NDST3: variants seen among roughly 807,000 people sequenced by gnomAD.
NDST3 encodes the protein N-deacetylase and N-sulfotransferase 3, also known as bifunctional heparan sulfate N-deacetylase/N-sulfotransferase 3.
A neutral mutation model predicts 96.1 loss-of-function variants in NDST3; 58 were observed. The ratio of observed to expected loss-of-function variants is 0.60; its 90% confidence interval spans 0.49 to 0.75. The LOEUF is 0.75. NDST3 is among the 30% of genes least tolerant of loss of function. The pLI, the probability that NDST3 is intolerant of heterozygous loss-of-function variation, is 0.00. For synonymous variants in NDST3, 333 were observed against 359.7 expected (o/e 0.93, Z 0.84); for missense variants, 788 against 1,034.2 (o/e 0.76, Z 3.27).
intron 4 of NDST3, among the ~76,000 whole-genome samples, chr4:118,126,514 G>GTGTATATA (rs1553933921): frequency 1.4e-4 from 7 of 49,260 alleles, no homozygotes; most frequent in African/African-American, 2.9e-4. Context: ...GTATGTATGT[G>GTGTATATA]TATATATATA....
Position 118,191,648 on chromosome 4 carries a change from A to G in NDST3, c.1540-32843A>G, listed in dbSNP as rs552086215. On this transcript the variant is annotated intron_variant, in intron 6 of 13. Transcript: ENST00000296499. Reference sequence around the variant, plus strand: ...TGAGATGTATTGAAACAGGAATGCAATGTGTAATAATTACATAATGGAAAA... The same window carrying G: ...TGAGATGTATTGAAACAGGAATGCAGTGTGTAATAATTACATAATGGAAAA... Among the ~76,000 whole-genome samples the G allele has an allele frequency of 7.2e-5, 11 of 152,338 alleles. No individual in the cohort carries two copies. In the East Asian group the frequency reaches 2.1e-3, roughly 29 times the overall value.
chr4:118,242,814 C>A (rs1432803324), intron 12 of NDST3, among the ~76,000 whole-genome samples: 2 of 151,770 alleles, frequency 1.3e-5, no homozygotes, highest in Non-Finnish European at 2.9e-5. Context: ...GACCAGGGAC[C>A]AGTAAGGAAC....
intron 6 of NDST3, among the ~76,000 whole-genome samples, chr4:118,186,176 G>A (rs572348070): frequency 1.2e-4 from 19 of 152,082 alleles, no homozygotes; most frequent in Non-Finnish European, 2.4e-4. Flanking sequence ...GTTTGATTGT[G>A]TCATATTTAG....
intron 2 of NDST3, among the ~76,000 whole-genome samples, chr4:118,073,649 T>C: frequency 6.6e-6 from 1 of 152,096 alleles, no homozygotes; most frequent in Non-Finnish European, 1.5e-5. Flanking sequence ...ATTGATCTTA[T>C]TTATTTTTTC....
At chr4:118,199,197 C>T (rs1458788288) in intron 6 of NDST3, among the ~76,000 whole-genome samples, 2 of 152,034 alleles carry the variant, frequency 1.3e-5, no homozygotes, top group Non-Finnish European at 2.9e-5. Context: ...TAGATTTGCC[C>T]TTTTGAGGCT....
At chr4:118,250,006 A>T (rs1175171962) in intron 12 of NDST3, among the ~76,000 whole-genome samples, 2 of 152,182 alleles carry the variant, frequency 1.3e-5, no homozygotes, top group African/African-American at 2.4e-5. Context: ...AATGATTCTG[A>T]GTTTCCTCTA....
At chr4:118,161,312 G>T (rs1735110135) in intron 6 of NDST3, among the ~76,000 whole-genome samples, 1 of 152,198 alleles carries the variant, frequency 6.6e-6, no homozygotes, top group South Asian at 2.1e-4. Flanking sequence ...GGCTGCTCGG[G>T]GGTCAGGGTC....
At chr4:118,123,909 C>T (rs1317606246) in intron 4 of NDST3, among the ~76,000 whole-genome samples, 1 of 152,100 alleles carries the variant, frequency 6.6e-6, no homozygotes, top group Non-Finnish European at 1.5e-5. Context: ...GCCAAGTATG[C>T]TACCTTTTAT....
chr4:118,144,552 G>T (rs565168041), intron 6 of NDST3, among the ~76,000 whole-genome samples: 9 of 147,138 alleles, frequency 6.1e-5, no homozygotes, highest in Non-Finnish European at 1.1e-4. Flanking sequence ...TTCTGCTTGA[G>T]GCAAGTATTA....
intron 5 of NDST3, among the ~76,000 whole-genome samples, chr4:118,142,975 AG>A (rs1733676112): frequency 6.6e-6 from 1 of 152,186 alleles, no homozygotes; most frequent in Admixed American, 6.5e-5. Context: ...AGGAACTGGC[AG>A]GCTTCACACT....
intron 6 of NDST3, among the ~76,000 whole-genome samples, chr4:118,210,997 G>A (rs1166091797): frequency 6.6e-6 from 1 of 152,046 alleles, no homozygotes; most frequent in Non-Finnish European, 1.5e-5. Context: ...GATACTAAGG[G>A]ATCAGAAACC....
chr4:118,178,196 T>C (rs376776934), intron 6 of NDST3, among the ~76,000 whole-genome samples: 9 of 152,138 alleles, frequency 5.9e-5, no homozygotes, highest in East Asian at 3.9e-4. Flanking sequence ...ATACACATAA[T>C]GTAAAATTTA....
At chr4:118,149,417 C>T (rs1734211521) in intron 6 of NDST3, among the ~76,000 whole-genome samples, 1 of 150,510 alleles carries the variant, frequency 6.6e-6, no homozygotes, top group Non-Finnish European at 1.5e-5. Context: ...TGTTTGTATC[C>T]TCTTTTATTT....
intron 6 of NDST3, among the ~76,000 whole-genome samples, chr4:118,157,345 G>T (rs1167610684): frequency 2.0e-5 from 3 of 151,144 alleles, no homozygotes; most frequent in Non-Finnish European, 4.4e-5. Flanking sequence ...AAAATGGGGG[G>T]ATGGTGGGAT....
At chr4:118,048,442 A>C (rs1724891755) in intron 1 of NDST3, among the ~76,000 whole-genome samples, 1 of 152,214 alleles carries the variant, frequency 6.6e-6, no homozygotes, top group South Asian at 2.1e-4. Flanking sequence ...CAAGCTAGAT[A>C]AAAAGACAAG....
At chr4:118,077,618 A>G (rs1727653863) in intron 2 of NDST3, among the ~76,000 whole-genome samples, 2 of 152,164 alleles carry the variant, frequency 1.3e-5, no homozygotes, top group South Asian at 4.1e-4. Flanking sequence ...GCAGACAGGT[A>G]ATATACTTGC....
At chr4:118,114,409 G>T (rs903442140) in intron 3 of NDST3, among the ~76,000 whole-genome samples, 2 of 152,130 alleles carry the variant, frequency 1.3e-5, no homozygotes, top group Non-Finnish European at 2.9e-5. Flanking sequence ...ATGTCACAAT[G>T]ACCTACTACT....
At chr4:118,109,975 TA>T (rs761482157) in intron 3 of NDST3, among the ~76,000 whole-genome samples, 1 of 152,178 alleles carries the variant, frequency 6.6e-6, no homozygotes, top group Non-Finnish European at 1.5e-5. Flanking sequence ...AGTGCTTTGT[TA>T]AACACTTTTC....
intron 6 of NDST3, among the ~76,000 whole-genome samples, chr4:118,197,863 G>A (rs1462766617): frequency 5.2e-4 from 77 of 147,962 alleles, no homozygotes; most frequent in African/African-American, 1.8e-3. Flanking sequence ...ACGGTGGCAC[G>A]ATCTCGGCTT....
Sources: allele counts gnomAD v4.1 joint callset (sites outside exome capture counted in the v4.1 genomes callset), GRCh38; gene constraint gnomAD v4.1.1; transcripts MANE v1.5; gene names NCBI Gene and HGNC (gene_info 2026-07-23, HGNC 2026-07-21).